AMOT: variants seen among roughly 807,000 people sequenced by gnomAD.
AMOT encodes the protein angiomotin.
AMOT carries 11 observed loss-of-function variants against 67.0 expected under a neutral mutation model. The ratio of observed to expected loss-of-function variants is 0.16; its 90% confidence interval spans 0.10 to 0.27. The LOEUF (loss-of-function observed/expected upper bound fraction) is 0.27. AMOT is among the 10% of genes least tolerant of loss of function. AMOT has a pLI of 1.00. For missense variants in AMOT, 753 were observed against 852.0 expected (o/e 0.88, Z 1.45); for synonymous variants, 326 against 321.4 (o/e 1.01, Z -0.15).
chrX:112,819,378 T>A (rs1569403750), intron 4 of AMOT: 2 of 754,412 alleles, frequency 2.7e-6, no homozygotes, highest in Non-Finnish European at 3.1e-6. Flanking sequence ...AATCTGTGAA[T>A]CCTGGAGCAG....
At chrX:112,827,704 C>T (rs1288716973) in intron 2 of AMOT, among the ~76,000 whole-genome samples, 1 of 112,275 alleles carries the variant, frequency 8.9e-6, no homozygotes, top group Non-Finnish European at 1.9e-5. Flanking sequence ...TCTCCCAATA[C>T]ACCTGTGAGG....
intron 9 of AMOT, among the ~76,000 whole-genome samples, chrX:112,791,106 A>G (rs1407870108): frequency 9.0e-6 from 1 of 110,907 alleles, no homozygotes; most frequent in Non-Finnish European, 1.9e-5. Context: ...CTGGCCGGGC[A>G]TGGTGGCTCA....
Position 112,822,899 on chromosome X carries a change from A to C in AMOT, c.228T>G (p.Ala76=), listed in dbSNP as rs1243334573. The part of the protein sequence containing the change: ...DHHQQLVAHA[A]RQEPQGQEIQ... Reference sequence around the variant, plus strand: ...TTTCCTGCCCCTGGGGTTCTTGTCGAGCAGCATGAGCCACAAGCTGTTGGT... The same window carrying C: ...TTTCCTGCCCCTGGGGTTCTTGTCGCGCAGCATGAGCCACAAGCTGTTGGT... The change falls in exon 4 of 14, where the codon GCT becomes GCG. Residue 76 remains alanine, a synonymous_variant. Coordinates refer to ENST00000371959, the MANE Select transcript of AMOT (RefSeq NM_001113490.2). The C allele has an allele frequency of 8.6e-7, 1 of 1,167,506 alleles. No homozygotes were observed. The highest frequency in any genetic ancestry group is 1.1e-6 in the Non-Finnish European group (1 of 873,028).
intron 2 of AMOT, among the ~76,000 whole-genome samples, chrX:112,827,968 C>A (rs1033862731): frequency 9.0e-6 from 1 of 111,587 alleles, no homozygotes; most frequent in African/African-American, 3.3e-5. Context: ...TCCAATTTGA[C>A]TCCCAGATAA....
chrX:112,817,983 A>G (rs1287008860), intron 4 of AMOT, among the ~76,000 whole-genome samples: 1 of 111,470 alleles, frequency 9.0e-6, no homozygotes, highest in Non-Finnish European at 1.9e-5. Context: ...CTACATGCCT[A>G]CAGAGTTAAA....
intron 5 of AMOT, among the ~76,000 whole-genome samples, chrX:112,814,045 G>T: frequency 9.0e-6 from 1 of 111,416 alleles, no homozygotes; most frequent in East Asian, 2.9e-4. Flanking sequence ...GACCAAGGCG[G>T]GCGGATCACC....
intron 10 of AMOT, among the ~76,000 whole-genome samples, chrX:112,784,787 T>C (rs936257269): frequency 3.6e-5 from 4 of 112,246 alleles, no homozygotes; most frequent in African/African-American, 1.3e-4. Flanking sequence ...GTTGGGGCCT[T>C]AGAGCCAGGA....
intron 5 of AMOT, among the ~76,000 whole-genome samples, chrX:112,813,913 G>A (rs971624822): frequency 2.7e-5 from 3 of 112,066 alleles, no homozygotes; most frequent in Non-Finnish European, 3.8e-5. Context: ...AATTCTCAGA[G>A]CACTCCAACA....
intron 10 of AMOT, among the ~76,000 whole-genome samples, chrX:112,788,988 A>G (rs1285605682): frequency 8.9e-6 from 1 of 112,054 alleles, no homozygotes; most frequent in Non-Finnish European, 1.9e-5. Flanking sequence ...TAGTTTCTTT[A>G]TACAAGGCCC....
intron 8 of AMOT, among the ~76,000 whole-genome samples, chrX:112,804,680 G>A (rs1934114161): frequency 9.0e-6 from 1 of 111,616 alleles, no homozygotes. Context: ...GAATATGGGG[G>A]CAGTGAGCTT....
chrX:112,791,249 C>T (rs935726925), intron 9 of AMOT, among the ~76,000 whole-genome samples: 9 of 109,597 alleles, frequency 8.2e-5, no homozygotes, highest in Non-Finnish European at 1.7e-4. Flanking sequence ...ATTAGCTGGG[C>T]GTGGTGGTGC....
chrX:112,789,980 A>G (rs980188054), intron 10 of AMOT, among the ~76,000 whole-genome samples: 7 of 106,155 alleles, frequency 6.6e-5, no homozygotes, highest in Non-Finnish European at 1.3e-4. Flanking sequence ...TTATAATTTG[A>G]AAAGGGGAAC....
At chrX:112,816,236 T>A (rs766208550) in intron 4 of AMOT, among the ~76,000 whole-genome samples, 1 of 111,426 alleles carries the variant, frequency 9.0e-6, no homozygotes, top group Admixed American at 9.5e-5. Context: ...GTAATTTTCA[T>A]CTCATTATTT....
At chrX:112,820,598 T>C (rs1934688178) in intron 4 of AMOT, among the ~76,000 whole-genome samples, 1 of 111,168 alleles carries the variant, frequency 9.0e-6, no homozygotes, top group Admixed American at 9.5e-5. Context: ...CTGTGGCTTC[T>C]GCTCCACACC....
chrX:112,819,073 G>A (rs1489245425), intron 4 of AMOT, among the ~76,000 whole-genome samples: 1 of 110,628 alleles, frequency 9.0e-6, no homozygotes, highest in Admixed American at 9.6e-5. Flanking sequence ...TAGGGTGGGG[G>A]GTACACTCCT....
At chrX:112,790,888 C>G (rs113629967) in intron 9 of AMOT, 106 bp from the exon 10 acceptor site, 46,931 of 748,408 alleles carry the variant, frequency 0.063, 1,189 homozygotes, top group Non-Finnish European at 0.07. Flanking sequence ...TCTGTTTCGA[C>G]TCTGATTCAG....
intron 4 of AMOT, among the ~76,000 whole-genome samples, chrX:112,817,604 C>T (rs989284066): frequency 1.8e-5 from 2 of 111,993 alleles, no homozygotes; most frequent in African/African-American, 6.5e-5. Context: ...TACATCTTCC[C>T]CAAGAGTCCT....
intron 2 of AMOT, among the ~76,000 whole-genome samples, chrX:112,826,430 G>A (rs975537626): frequency 8.9e-6 from 1 of 112,467 alleles, no homozygotes; most frequent in Non-Finnish European, 1.9e-5. Context: ...GAACAAACAC[G>A]GAAATGTGTC....
In AMOT at chrX:112,839,550, T is replaced by C. The variant is rs1233120531; in HGVS notation, c.-289+902A>G. On this transcript the variant is annotated intron_variant, in intron 1 of 13. Coordinates refer to ENST00000371959, the MANE Select transcript of AMOT (RefSeq NM_001113490.2). Reference sequence around the variant, plus strand: ...TTCATGCACTAAACATCCCAGGTTGTTGAAAAGTTCGTTCTAAAACATACA... The same window carrying C: ...TTCATGCACTAAACATCCCAGGTTGCTGAAAAGTTCGTTCTAAAACATACA... 8.0e-5 allele frequency among the ~76,000 whole-genome samples: 9 copies of C among 112,057 alleles called. No individual in the cohort carries two copies. In the Admixed American group the frequency reaches 8.5e-4, roughly 11 times the overall value.
Sources: allele counts gnomAD v4.1 joint callset (sites outside exome capture counted in the v4.1 genomes callset), GRCh38; gene constraint gnomAD v4.1.1; transcripts MANE v1.5; gene names NCBI Gene and HGNC (gene_info 2026-07-23, HGNC 2026-07-21).